The following NALCN variants were observed in gnomAD, a reference collection of about 807,000 sequenced individuals.
The protein encoded by NALCN is sodium leak channel, non-selective.
A neutral mutation model predicts 225.3 loss-of-function variants in NALCN; 111 were observed. The observed-to-expected ratio is 0.49, with a 90% CI of 0.42 to 0.58. The LOEUF is 0.58. NALCN is among the 20% of genes least tolerant of loss of function. The pLI, the probability that NALCN is intolerant of heterozygous loss-of-function variation, is 0.00. For missense variants in NALCN, 1,378 were observed against 2,202.4 expected (o/e 0.63, Z 7.49); for synonymous variants, 764 against 769.0 (o/e 0.99, Z 0.11).
chr13:101,415,405 A>C (rs2139574539), intron 1 of NALCN, among the ~76,000 whole-genome samples: 1 of 152,158 alleles, frequency 6.6e-6, no homozygotes, highest in South Asian at 2.1e-4. Context: ...CTGAGGCCTG[A>C]AAGTGAGCGT....
chr13:101,144,930 G>A, intron 15 of NALCN, 34 bp from the exon 16 acceptor site: 1 of 1,593,088 alleles, frequency 6.3e-7, no homozygotes. Flanking sequence ...AAAAAAGGGG[G>A]AACCTATAAT....
intron 6 of NALCN, among the ~76,000 whole-genome samples, chr13:101,376,234 A>G (rs988305393): frequency 6.6e-6 from 1 of 152,178 alleles, no homozygotes; most frequent in Non-Finnish European, 1.5e-5. Context: ...TTATGTTAGC[A>G]CACTCCCCAT....
chr13:101,102,340 C>G (rs1310828557), intron 26 of NALCN, among the ~76,000 whole-genome samples: 37 of 152,086 alleles, frequency 2.4e-4, no homozygotes, highest in Admixed American at 2.4e-3. Context: ...ACATCACAAT[C>G]TATCTTTAAA....
chr13:101,208,504 A>G (rs1381438003), intron 13 of NALCN, among the ~76,000 whole-genome samples: 1 of 152,234 alleles, frequency 6.6e-6, no homozygotes, highest in Non-Finnish European at 1.5e-5. Flanking sequence ...AACTTGTTTA[A>G]TATGTCTTTT....
chr13:101,259,803 A>G (rs1027079662), intron 10 of NALCN, among the ~76,000 whole-genome samples: 2 of 149,740 alleles, frequency 1.3e-5, no homozygotes, highest in African/African-American at 4.9e-5. Flanking sequence ...TGGAGTACAC[A>G]AGATGTTTTG....
At chr13:101,093,500 T>C (rs963665584) in intron 28 of NALCN, among the ~76,000 whole-genome samples, 4 of 152,186 alleles carry the variant, frequency 2.6e-5, no homozygotes, top group Admixed American at 2.6e-4. Context: ...CCTGGAGAAA[T>C]GGACAAGAGC....
At chr13:101,171,255 A>G (rs1413813622) in intron 15 of NALCN, among the ~76,000 whole-genome samples, 2 of 137,226 alleles carry the variant, frequency 1.5e-5, no homozygotes, top group East Asian at 3.9e-4. Context: ...CACATTATGT[A>G]TAATTTATGT....
intron 7 of NALCN, among the ~76,000 whole-genome samples, chr13:101,341,013 T>C (rs546919826): frequency 6.6e-6 from 1 of 152,206 alleles, no homozygotes; most frequent in Non-Finnish European, 1.5e-5. Flanking sequence ...ATACATTTCA[T>C]ATATTGTATA....
intron 9 of NALCN, among the ~76,000 whole-genome samples, chr13:101,290,284 C>T (rs1186279651): frequency 2.6e-5 from 4 of 152,128 alleles, no homozygotes; most frequent in South Asian, 4.1e-4. Context: ...CATAAACATA[C>T]TATGGTTTTA....
intron 38 of NALCN, 120 bp from the exon 39 acceptor site, chr13:101,068,153 TA>T: frequency 1.5e-6 from 1 of 650,102 alleles, no homozygotes; most frequent in Non-Finnish European, 2.6e-6. Flanking sequence ...GCCAAATTTT[TA>T]AAGTGCTTTT....
chr13:101,096,075 G>T (rs1267649710), intron 27 of NALCN, among the ~76,000 whole-genome samples: 1 of 152,022 alleles, frequency 6.6e-6, no homozygotes. Flanking sequence ...CATTGGCGAG[G>T]ATGTGGAGGA....
chr13:101,090,110 G>A (rs905074767), intron 28 of NALCN, 144 bp from the exon 29 acceptor site: 25 of 1,171,874 alleles, frequency 2.1e-5, no homozygotes, highest in South Asian at 3.0e-5. Context: ...ACACGTGTGC[G>A]TGCACACACA....
chr13:101,220,244 G>C (rs1418013556), intron 13 of NALCN, among the ~76,000 whole-genome samples: 2 of 151,520 alleles, frequency 1.3e-5, no homozygotes, highest in African/African-American at 2.4e-5. Flanking sequence ...GTCATGTCCT[G>C]TGCCTTGGCT....
intron 34 of NALCN, among the ~76,000 whole-genome samples, chr13:101,076,899 G>T (rs529469468): frequency 1.3e-5 from 2 of 152,124 alleles, no homozygotes; most frequent in Non-Finnish European, 2.9e-5. Flanking sequence ...GTTGCATTTC[G>T]ATATGGTTTG....
chr13:101,276,622 T>C (rs1263079429), intron 10 of NALCN, among the ~76,000 whole-genome samples: 1 of 152,244 alleles, frequency 6.6e-6, no homozygotes, highest in Non-Finnish European at 1.5e-5. Flanking sequence ...ATGATTGTAA[T>C]TGTAATTTGT....
At chr13:101,346,447 C>A (rs925583226) in intron 6 of NALCN, among the ~76,000 whole-genome samples, 6 of 152,070 alleles carry the variant, frequency 3.9e-5, no homozygotes, top group African/African-American at 1.4e-4. Context: ...AAATCATTTT[C>A]TTTGCAGTAC....
chr13:101,183,769 A>G (rs542492911), intron 14 of NALCN, among the ~76,000 whole-genome samples: 3 of 152,064 alleles, frequency 2.0e-5, no homozygotes, highest in East Asian at 1.9e-4. Context: ...CGATATTTCA[A>G]TTTATACTGC....
intron 28 of NALCN, 122 bp downstream of exon 28, chr13:101,095,452 C>A: frequency 1.3e-6 from 1 of 754,028 alleles, no homozygotes; most frequent in Admixed American, 3.0e-5. Flanking sequence ...CCCTGTATGA[C>A]TTAAGATCAT....
intron 15 of NALCN, among the ~76,000 whole-genome samples, chr13:101,172,623 C>T (rs1411888443): frequency 2.0e-5 from 3 of 152,050 alleles, no homozygotes; most frequent in African/African-American, 7.2e-5. Flanking sequence ...ACAGTGGCGC[C>T]ATCTTGGCTC....
Sources: allele counts gnomAD v4.1 joint callset (sites outside exome capture counted in the v4.1 genomes callset), GRCh38; gene constraint gnomAD v4.1.1; transcripts MANE v1.5; gene names NCBI Gene and HGNC (gene_info 2026-07-23, HGNC 2026-07-21).